Variants in COL5A2 observed in about 807,000 individuals in gnomAD.
COL5A2 encodes the protein collagen alpha-2(V) chain.
A neutral mutation model predicts 208.2 loss-of-function variants in COL5A2; 23 were observed. The observed-to-expected ratio is 0.11, with a 90% CI of 0.08 to 0.16. The LOEUF (loss-of-function observed/expected upper bound fraction) is 0.16, where lower values mean the gene tolerates loss of function less well. Ranked by LOEUF, COL5A2 falls within the 10% of genes least tolerant of loss-of-function variation. The probability of loss-of-function intolerance (pLI) is 1.00; values close to 1 mark genes in which losing one functional copy is unlikely to be tolerated. For synonymous variants in COL5A2, 625 were observed against 628.5 expected (o/e 0.99, Z 0.08); for missense variants, 1,590 against 1,956.4 (o/e 0.81, Z 3.53).
At chr2:189,217,503 TTGTG>T (rs111881864) in intron 1 of COL5A2, among the ~76,000 whole-genome samples, 2 of 150,980 alleles carry the variant, frequency 1.3e-5, no homozygotes, top group African/African-American at 2.4e-5. Context: ...TTAGTGAGAT[TTGTG>T]TGTGTGTGTG....
chr2:189,194,133 A>G (rs1688965021), intron 1 of COL5A2, among the ~76,000 whole-genome samples: 1 of 152,190 alleles, frequency 6.6e-6, no homozygotes, highest in South Asian at 2.1e-4. Flanking sequence ...TCCACCACAA[A>G]AAGTTATTTG....
chr2:189,398,999 C>T, the COL5A2 span, among the ~76,000 whole-genome samples: 17 of 152,276 alleles, frequency 1.1e-4, no homozygotes, highest in African/African-American at 4.1e-4. Flanking sequence ...AATTCTCTCT[C>T]ATACTTTGTG....
the COL5A2 span, among the ~76,000 whole-genome samples, chr2:189,267,448 T>C: frequency 3.2e-3 from 480 of 152,168 alleles, 3 homozygotes; most frequent in Middle Eastern, 0.048. Flanking sequence ...CAAAAACACA[T>C]ACAAATGAAA....
the COL5A2 span, among the ~76,000 whole-genome samples, chr2:189,370,561 C>G: frequency 6.6e-6 from 1 of 152,004 alleles, no homozygotes; most frequent in African/African-American, 2.4e-5. Context: ...CAATCACACT[C>G]AACACATAAA....
At position 189,145,767 on chromosome 2, in the gene COL5A2, A is replaced by T. The variant is rs369712459; in HGVS notation, c.97+33741T>A. ...ATAGGTGAAACCAGGCTACAAAAGT[A>T]TATGAGATAAGGCATAATTATTATT... On this transcript the variant is annotated intron_variant, in intron 1 of 53. Transcript: ENST00000374866. Among the ~76,000 whole-genome samples, 3 of 152,192 alleles carry T rather than the reference A, an allele frequency of 2.0e-5. No individual in the cohort carries two copies. In the East Asian group the frequency reaches 5.8e-4, roughly 29 times the overall value.
the COL5A2 span, among the ~76,000 whole-genome samples, chr2:189,408,063 A>C: frequency 6.6e-6 from 1 of 152,138 alleles, no homozygotes. Flanking sequence ...TTACCTGGCC[A>C]TCCTTGACCT....
At chr2:189,096,552 G>A (rs1300078640) in intron 6 of COL5A2, among the ~76,000 whole-genome samples, 1 of 149,220 alleles carries the variant, frequency 6.7e-6, no homozygotes, top group Non-Finnish European at 1.5e-5. Context: ...AACCAGGGAG[G>A]CGGAGCTTGC....
chr2:189,418,977 A>G, the COL5A2 span, among the ~76,000 whole-genome samples: 23 of 152,182 alleles, frequency 1.5e-4, no homozygotes, highest in Non-Finnish European at 4.4e-5. Context: ...TGTAATAGTT[A>G]CAGGAACCTG....
intron 1 of COL5A2, among the ~76,000 whole-genome samples, chr2:189,178,702 T>G (rs938007309): frequency 1.7e-5 from 2 of 118,980 alleles, no homozygotes; most frequent in Non-Finnish European, 3.5e-5. Flanking sequence ...CAGGCAAGAT[T>G]TATCTTTAAA....
At chr2:189,277,975 T>A in the COL5A2 span, among the ~76,000 whole-genome samples, 2 of 152,068 alleles carry the variant, frequency 1.3e-5, no homozygotes, top group Non-Finnish European at 2.9e-5. Context: ...CTATTAAGTA[T>A]AAAAGGTTTT....
At chr2:189,178,829 C>T (rs911689690) in intron 1 of COL5A2, among the ~76,000 whole-genome samples, 42 of 151,924 alleles carry the variant, frequency 2.8e-4, no homozygotes, top group Non-Finnish European at 6.0e-4. Flanking sequence ...AACCGGGAAC[C>T]ACCACTGTCC....
the COL5A2 span, among the ~76,000 whole-genome samples, chr2:189,306,221 G>A: frequency 6.6e-6 from 1 of 152,100 alleles, no homozygotes; most frequent in South Asian, 2.1e-4. Context: ...GCAAGGGTGG[G>A]CCCACTCACC....
intron 1 of COL5A2, among the ~76,000 whole-genome samples, chr2:189,140,012 G>A (rs992213611): frequency 9.2e-5 from 14 of 152,224 alleles, no homozygotes; most frequent in African/African-American, 2.9e-4. Context: ...GACAGAGGTT[G>A]CAGTGAGCCA....
chr2:189,139,078 G>A (rs1687882124), intron 1 of COL5A2, among the ~76,000 whole-genome samples: 1 of 152,100 alleles, frequency 6.6e-6, no homozygotes, highest in African/African-American at 2.4e-5. Flanking sequence ...AATTTACAGT[G>A]AAGACACAGG....
intron 6 of COL5A2, among the ~76,000 whole-genome samples, chr2:189,093,160 C>T (rs1559100461): frequency 6.6e-6 from 1 of 152,150 alleles, no homozygotes; most frequent in African/African-American, 2.4e-5. Flanking sequence ...AACCCACATT[C>T]TGAAGGCAGC....
chr2:189,363,315 A>G, the COL5A2 span, among the ~76,000 whole-genome samples: 2 of 152,074 alleles, frequency 1.3e-5, no homozygotes, highest in Non-Finnish European at 2.9e-5. Flanking sequence ...GATCACCTTT[A>G]TCAGGTCCAG....
the COL5A2 span, among the ~76,000 whole-genome samples, chr2:189,333,261 AGTCAAAAGACCATCCT>A: frequency 6.6e-6 from 1 of 152,170 alleles, no homozygotes. Flanking sequence ...AAATCAACAA[AGTCAAAAGACCATCCT>A]TTTTAAAAGA....
the COL5A2 span, among the ~76,000 whole-genome samples, chr2:189,353,058 T>C: frequency 6.6e-6 from 1 of 152,208 alleles, no homozygotes; most frequent in South Asian, 2.1e-4. Flanking sequence ...CCTTTCCCCA[T>C]TGCTTGTTTT....
the COL5A2 span, among the ~76,000 whole-genome samples, chr2:189,412,871 T>A: frequency 6.6e-6 from 1 of 152,160 alleles, no homozygotes. Context: ...AGAATTATCA[T>A]ATAATTGGAT....
Sources: gnomAD v4.1 joint callset for allele counts (sites outside exome capture counted in the v4.1 genomes callset) on GRCh38, gnomAD v4.1.1 for gene constraint, MANE v1.5 for transcripts, NCBI Gene and HGNC (gene_info 2026-07-23, HGNC 2026-07-21) for gene names.